NAA35: variants seen among roughly 807,000 people sequenced by gnomAD.
NAA35 encodes N-alpha-acetyltransferase 35, NatC auxiliary subunit.
In NAA35, 18 loss-of-function variants were observed where a neutral mutation model predicts 101.7. The ratio of observed to expected loss-of-function variants is 0.18; its 90% CI spans 0.12 to 0.26. The LOEUF (loss-of-function observed/expected upper bound fraction) is 0.26. Among genes scored for constraint, NAA35 ranks in the 10% least tolerant of loss-of-function variants. The probability of loss-of-function intolerance (pLI) is 1.00; values close to 1 mark genes in which losing one functional copy is unlikely to be tolerated. For synonymous variants in NAA35, 267 were observed against 273.1 expected (o/e 0.98, Z 0.22); for missense variants, 601 against 886.8 (o/e 0.68, Z 4.09).
chr9:85,946,254 C>T (rs1587548422), intron 2 of NAA35, among the ~76,000 whole-genome samples: 1 of 152,148 alleles, frequency 6.6e-6, no homozygotes, highest in Non-Finnish European at 1.5e-5. Context: ...AAGCAATCCT[C>T]TCATCTCAGC....
At chr9:86,011,472 C>T (rs1445613849) in intron 15 of NAA35, among the ~76,000 whole-genome samples, 1 of 150,994 alleles carries the variant, frequency 6.6e-6, no homozygotes, top group African/African-American at 2.4e-5. Context: ...AATCCTCCCA[C>T]CTCAGCATTC....
chr9:86,018,582 GC>G, intron 20 of NAA35, 116 bp from the exon 21 acceptor site: 1 of 1,385,090 alleles, frequency 7.2e-7, no homozygotes, highest in Admixed American at 2.2e-5. Context: ...CTGAATGTTT[GC>G]CCCAGTGTCT....
Position 86,007,367 on chromosome 9 carries a change from C to T in NAA35, c.1126C>T (p.Leu376=), listed in dbSNP as rs1411693960. 1.9e-6 allele frequency: 3 copies of T among 1,612,178 alleles called. No homozygotes were observed. The highest frequency in any genetic ancestry group is 2.5e-6 in the Non-Finnish European group (3 of 1,178,660). The part of the protein sequence containing the change: ...LSRSLLQTTF[L]VDNKKVFGTH... ...TAACATTTGTTTTAAGACCACTTTC[C>T]TGGTGGATAACAAAAAGGTCTTTGG... Residue 376 remains leucine, a synonymous_variant, in exon 14 of 23, where the codon CTG becomes TTG. Transcript: ENST00000361671.
chr9:85,965,264 A>G (rs1429893511), intron 6 of NAA35, among the ~76,000 whole-genome samples: 2 of 152,218 alleles, frequency 1.3e-5, no homozygotes, highest in African/African-American at 2.4e-5. Flanking sequence ...TGTAGTAACT[A>G]GTTTGGAAAC....
chr9:86,015,956 G>C (rs1020360343), intron 17 of NAA35, among the ~76,000 whole-genome samples: 1 of 151,896 alleles, frequency 6.6e-6, no homozygotes, highest in African/African-American at 2.4e-5. Context: ...TTCAGGGCCA[G>C]GAATTGTTTA....
chr9:85,996,498 T>C lies in NAA35; in HGVS notation c.977T>C (p.Val326Ala). ...YAKIIKREEM[V>A]NYFARLIDRI... Reference sequence around the variant, plus strand: ...AAAATAATTAAAAGGGAAGAAATGGTGAACTATTTTGCAAGATTAATAGAT... The same window carrying C: ...AAAATAATTAAAAGGGAAGAAATGGCGAACTATTTTGCAAGATTAATAGAT... Residue 326 changes from valine to alanine, a missense_variant, in exon 12 of 23, where the codon GTG becomes GCG. By Grantham distance (64) the Val-to-Ala change is moderately conservative. Transcript: ENST00000361671. The C allele has an allele frequency of 6.2e-7, 1 of 1,606,158 alleles. No individual in the cohort carries two copies. The highest frequency in any genetic ancestry group is 1.1e-5 in the South Asian group (1 of 88,984).
intron 6 of NAA35, among the ~76,000 whole-genome samples, chr9:85,972,543 G>T (rs1406498689): frequency 6.6e-6 from 1 of 150,902 alleles, no homozygotes; most frequent in South Asian, 2.1e-4. Context: ...GGGTCGGGGG[G>T]TGGAGATTTT....
At chr9:86,016,442 C>CT in intron 17 of NAA35, 97 bp from the exon 18 acceptor site, 1 of 1,047,804 alleles carries the variant, frequency 9.5e-7, no homozygotes, top group Non-Finnish European at 1.4e-6. Context: ...TTTTAAAGAC[C>CT]TAAAGCATTA....
At chr9:85,972,815 T>C (rs796392336) in intron 6 of NAA35, among the ~76,000 whole-genome samples, 8 of 152,320 alleles carry the variant, frequency 5.3e-5, no homozygotes, top group African/African-American at 1.9e-4. Context: ...ATTTATTGAA[T>C]AGAAGTCTGT....
intron 2 of NAA35, among the ~76,000 whole-genome samples, chr9:85,944,315 G>A (rs999823338): frequency 6.6e-6 from 1 of 152,190 alleles, no homozygotes; most frequent in East Asian, 1.9e-4. Context: ...TTCAATGATG[G>A]TAACTGTTGT....
chr9:86,008,934 A>G (rs1831770096), intron 14 of NAA35, among the ~76,000 whole-genome samples: 1 of 152,064 alleles, frequency 6.6e-6, no homozygotes, highest in Non-Finnish European at 1.5e-5. Context: ...TGTCCCTGTT[A>G]TTACTTATTT....
At chr9:86,015,057 C>T (rs1832137832) in intron 17 of NAA35, among the ~76,000 whole-genome samples, 1 of 152,078 alleles carries the variant, frequency 6.6e-6, no homozygotes, top group East Asian at 1.9e-4. Context: ...CACCACTGCA[C>T]CTGGCTACTT....
intron 2 of NAA35, among the ~76,000 whole-genome samples, chr9:85,954,909 GTTGTTTTGTT>G (rs557702042): frequency 3.9e-5 from 6 of 152,062 alleles, no homozygotes; most frequent in South Asian, 2.1e-4. Context: ...GCTATGTTTT[GTTGTTTTGTT>G]TTGTTTTGTT....
At chr9:86,012,523 T>C (rs551130379) in intron 15 of NAA35, among the ~76,000 whole-genome samples, 2 of 152,360 alleles carry the variant, frequency 1.3e-5, no homozygotes, top group South Asian at 4.1e-4. Flanking sequence ...AACAGTATTA[T>C]ACTTTGAGAA....
At chr9:85,954,598 G>C (rs1384940273) in intron 2 of NAA35, among the ~76,000 whole-genome samples, 1 of 152,118 alleles carries the variant, frequency 6.6e-6, no homozygotes, top group Non-Finnish European at 1.5e-5. Context: ...TGATCATCAA[G>C]GGCATTCTTA....
chr9:85,960,463 TTTA>T (rs1426456582), intron 5 of NAA35, among the ~76,000 whole-genome samples: 1 of 152,232 alleles, frequency 6.6e-6, no homozygotes, highest in African/African-American at 2.4e-5. Context: ...TCATTCAGCA[TTTA>T]TTGATTGCTA....
At chr9:85,990,405 G>A (rs568043900) in intron 11 of NAA35, among the ~76,000 whole-genome samples, 1 of 152,262 alleles carries the variant, frequency 6.6e-6, no homozygotes, top group African/African-American at 2.4e-5. Flanking sequence ...CCATAGCAAT[G>A]ACCAAAGGAA....
intron 2 of NAA35, among the ~76,000 whole-genome samples, chr9:85,954,136 A>G (rs1383366747): frequency 6.6e-6 from 1 of 152,144 alleles, no homozygotes; most frequent in Non-Finnish European, 1.5e-5. Context: ...GCCGGAGTTC[A>G]GTGGTTCTGT....
chr9:85,962,536 A>G (rs891906732), intron 6 of NAA35, among the ~76,000 whole-genome samples: 2 of 151,694 alleles, frequency 1.3e-5, no homozygotes, highest in Non-Finnish European at 2.9e-5. Context: ...TCTGAAGTTC[A>G]TTGACTACCT....
Sources: allele counts gnomAD v4.1 joint callset (sites outside exome capture counted in the v4.1 genomes callset), GRCh38; gene constraint gnomAD v4.1.1; transcripts MANE v1.5; gene names NCBI Gene and HGNC (gene_info 2026-07-23, HGNC 2026-07-21).